Variants in ADAM22 observed in about 807,000 individuals in gnomAD.
ADAM22 encodes the protein disintegrin and metalloproteinase domain-containing protein 22.
In ADAM22, 65 loss-of-function variants were observed where a neutral mutation model predicts 144.6. The ratio of observed to expected loss-of-function variants is 0.45; its 90% CI spans 0.37 to 0.55. ADAM22 has a LOEUF of 0.55. ADAM22 is among the 20% of genes least tolerant of loss of function. The pLI is 0.00. For synonymous variants in ADAM22, 391 were observed against 412.6 expected, an observed-to-expected ratio of 0.95 and a Z score of 0.63; for missense variants, 974 against 1,184.9, an observed-to-expected ratio of 0.82 and a Z score of 2.61.
At chr7:88,114,851 G>A (rs181962451) in intron 6 of ADAM22, among the ~76,000 whole-genome samples, 70 of 152,208 alleles carry the variant, frequency 4.6e-4, no homozygotes, top group African/African-American at 6.5e-4. Context: ...AGTAAAAAAC[G>A]TATTTAATAC....
intron 3 of ADAM22, among the ~76,000 whole-genome samples, chr7:87,996,670 A>G (rs1193856334): frequency 1.3e-5 from 2 of 152,222 alleles, no homozygotes; most frequent in Admixed American, 1.3e-4. Context: ...TACCCCATAA[A>G]TTCTGGGATC....
chr7:88,155,906 C>G lies in ADAM22; in HGVS notation c.1807C>G (p.Leu603Val). Reference protein sequence around the residue: ...CNKRDVLCGYLLCTNIGNIPR... With the variant: ...CNKRDVLCGYVLCTNIGNIPR... ...ATACAGGGATGTGCTTTGTGGTTAC[C>G]TTTTGTGTACCAATATTGGCAATAT... The change falls in exon 22 of 32, where the codon CTT becomes GTT. Residue 603 changes from leucine (L) to valine (V), a missense_variant. This residue lies in a region of ADAM22 where 734 missense variants were observed against 950.6 expected (regional missense o/e 0.77). Coordinates refer to ENST00000413139, the MANE Select transcript of ADAM22 (RefSeq NM_001324418.2). 6.2e-7 allele frequency: 1 copy of G among 1,612,894 alleles called. No individual in the cohort carries two copies. The highest frequency in any genetic ancestry group is 8.5e-7 in the Non-Finnish European group (1 of 1,179,340).
chr7:88,129,583 G>T (rs1289737870), intron 9 of ADAM22, among the ~76,000 whole-genome samples: 1 of 151,948 alleles, frequency 6.6e-6, no homozygotes, highest in Admixed American at 6.6e-5. Context: ...CTGTTCCCTA[G>T]GATTTTTATA....
At chr7:88,170,003 A>C (rs998125179) in intron 25 of ADAM22, among the ~76,000 whole-genome samples, 1 of 152,078 alleles carries the variant, frequency 6.6e-6, no homozygotes, top group Non-Finnish European at 1.5e-5. Flanking sequence ...TTATTAAATT[A>C]TGTGTCTATT....
intron 3 of ADAM22, among the ~76,000 whole-genome samples, chr7:88,041,318 G>T (rs1171026496): frequency 6.6e-6 from 1 of 151,950 alleles, no homozygotes; most frequent in Non-Finnish European, 1.5e-5. Context: ...ATGGTAGTGA[G>T]TGCCATCATT....
chr7:88,084,854 G>C (rs1275319367), intron 4 of ADAM22, among the ~76,000 whole-genome samples: 1 of 152,168 alleles, frequency 6.6e-6, no homozygotes, highest in Non-Finnish European at 1.5e-5. Context: ...AATTCTGAAA[G>C]CTAGAAGTCC....
At chr7:88,040,224 T>TA (rs1464889792) in intron 3 of ADAM22, among the ~76,000 whole-genome samples, 5 of 151,948 alleles carry the variant, frequency 3.3e-5, no homozygotes, top group Non-Finnish European at 7.4e-5. Context: ...CTCCATCTCT[T>TA]AGGTTCAAGC....
chr7:88,170,142 G>T (rs1260197423), intron 25 of ADAM22, among the ~76,000 whole-genome samples: 1 of 151,782 alleles, frequency 6.6e-6, no homozygotes, highest in African/African-American at 2.4e-5. Context: ...CCACTTAGCT[G>T]GAAACTCATT....
At chr7:88,066,039 T>C (rs1002762974) in intron 3 of ADAM22, among the ~76,000 whole-genome samples, 7 of 152,196 alleles carry the variant, frequency 4.6e-5, no homozygotes, top group African/African-American at 1.7e-4. Context: ...AGACTTTTAC[T>C]GTTTTGAAAA....
At chr7:88,162,881 T>C (rs1842055621) in intron 22 of ADAM22, 131 bp from the exon 23 acceptor site, 2 of 842,972 alleles carry the variant, frequency 2.4e-6, no homozygotes, top group African/African-American at 3.6e-5. Context: ...TGAACTGGCT[T>C]ATGCTACTGG....
Position 88,146,563 on chromosome 7 carries a change from A to G in ADAM22, c.1485+1056A>G, listed in dbSNP as rs78258122. Among the ~76,000 whole-genome samples the G allele has an allele frequency of 7.2e-5, 11 of 152,342 alleles. No individual in the cohort carries two copies. The East Asian group carries it at 2.1e-3, about 29-fold the overall frequency. On this transcript the variant is annotated intron_variant, in intron 17 of 31. Transcript: ENST00000413139. ...ATTAGGTGCCAGCAGCACCCCTCCT[A>G]GATGGGACAGCCAAAAATGTCCCCA... is the stretch of plus-strand genomic sequence containing the variant.
At chr7:87,956,114 C>T (rs932857355) in intron 2 of ADAM22, among the ~76,000 whole-genome samples, 9 of 152,158 alleles carry the variant, frequency 5.9e-5, no homozygotes, top group Admixed American at 2.6e-4. Context: ...CTTCGGCTGG[C>T]GCACAGTGTG....
intron 4 of ADAM22, among the ~76,000 whole-genome samples, chr7:88,107,605 GAC>G (rs1165369832): frequency 6.6e-6 from 1 of 151,802 alleles, no homozygotes; most frequent in African/African-American, 2.4e-5. Flanking sequence ...TTTCTTTTGA[GAC>G]AGAATTTCAC....
At chr7:88,096,142 C>T (rs1403103223) in intron 4 of ADAM22, among the ~76,000 whole-genome samples, 1 of 151,956 alleles carries the variant, frequency 6.6e-6, no homozygotes, top group East Asian at 1.9e-4. Flanking sequence ...AGACTGGTCT[C>T]GAACTCCTGA....
chr7:88,092,074 A>G (rs1820011112), intron 4 of ADAM22, among the ~76,000 whole-genome samples: 2 of 152,098 alleles, frequency 1.3e-5, no homozygotes, highest in African/African-American at 4.8e-5. Context: ...TCAAATCATT[A>G]TAGTTTGAAA....
intron 3 of ADAM22, among the ~76,000 whole-genome samples, chr7:88,029,250 T>C (rs1424993366): frequency 6.6e-6 from 1 of 152,142 alleles, no homozygotes; most frequent in African/African-American, 2.4e-5. Flanking sequence ...ATTTGTTATA[T>C]GTTTTTCAAT....
chr7:87,958,107 A>C (rs540838545), intron 2 of ADAM22, among the ~76,000 whole-genome samples: 1 of 152,206 alleles, frequency 6.6e-6, no homozygotes, highest in Non-Finnish European at 1.5e-5. Context: ...TCCCATTAGT[A>C]GTATTTATAG....
intron 3 of ADAM22, among the ~76,000 whole-genome samples, chr7:88,075,321 T>C (rs1390321151): frequency 6.6e-6 from 1 of 152,178 alleles, no homozygotes; most frequent in East Asian, 1.9e-4. Context: ...GGACAATATG[T>C]CTTTAAAATA....
At chr7:88,160,071 T>A (rs1365327131) in intron 22 of ADAM22, among the ~76,000 whole-genome samples, 1 of 152,024 alleles carries the variant, frequency 6.6e-6, no homozygotes, top group Non-Finnish European at 1.5e-5. Context: ...GGATACAAAA[T>A]CAGCATACAA....
Sources: gnomAD v4.1 joint callset for allele counts (sites outside exome capture counted in the v4.1 genomes callset) on GRCh38, gnomAD v4.1.1 for gene constraint, gnomAD v4.1.1 regional missense constraint, MANE v1.5 for transcripts, NCBI Gene and HGNC (gene_info 2026-07-23, HGNC 2026-07-21) for gene names.